The following ITPR2 variants were observed in gnomAD, a reference collection of about 807,000 sequenced individuals.
ITPR2 encodes inositol 1,4,5-trisphosphate receptor type 2.
In ITPR2, 207 loss-of-function variants were observed where a neutral mutation model predicts 317.1. The ratio of observed to expected loss-of-function variants is 0.65; its 90% CI spans 0.58 to 0.73. The LOEUF (loss-of-function observed/expected upper bound fraction) is 0.73. ITPR2 is among the 30% of genes least tolerant of loss of function. The probability of loss-of-function intolerance (pLI) is 0.00; values close to 1 mark genes in which losing one functional copy is unlikely to be tolerated. For synonymous variants in ITPR2, 1,156 were observed against 1,149.1 expected (o/e 1.01, Z -0.12); for missense variants, 2,613 against 3,284.0 (o/e 0.80, Z 4.99).
chr12:26,350,011 C>T (rs1401815713), intron 55 of ITPR2, among the ~76,000 whole-genome samples: 2 of 152,174 alleles, frequency 1.3e-5, no homozygotes, highest in African/African-American at 2.4e-5. Flanking sequence ...TTATAGGCAG[C>T]ACAGCCATGA....
chr12:26,585,402 A>G (rs2137085270), intron 32 of ITPR2, among the ~76,000 whole-genome samples: 1 of 152,280 alleles, frequency 6.6e-6, no homozygotes, highest in South Asian at 2.1e-4. Context: ...ATTTCCTACT[A>G]CATATTATCG....
Position 26,715,847 on chromosome 12 carries a change from G to GA in ITPR2, c.625-13dup. ...TTGACAGCATTCACCTATTAATGAA[G>GA]AAACGTTCAAAGTTATAAGACTACA... On this transcript the variant is annotated splice_polypyrimidine_tract_variant and intron_variant, in intron 6 of 56. Coordinates refer to ENST00000381340, the MANE Select transcript of ITPR2 (RefSeq NM_002223.4). 1 of 1,563,360 alleles carries GA rather than the reference G, an allele frequency of 6.4e-7. No individual in the cohort carries two copies. The highest frequency in any genetic ancestry group is 8.8e-7 in the Non-Finnish European group (1 of 1,135,316).
In ITPR2 at chr12:26,660,294, G is replaced by A. The variant is rs1052368205; in HGVS notation, c.1714-1009C>T. ...AAAAGTAAGAGAAAGCCACTGGGGAGGTTCAATCATGTTATTGTTTGATCT... is the reference window on the plus strand; with the variant it reads ...AAAAGTAAGAGAAAGCCACTGGGGAAGTTCAATCATGTTATTGTTTGATCT... On this transcript the variant is annotated intron_variant, in intron 15 of 56. Coordinates refer to ENST00000381340, the MANE Select transcript of ITPR2 (RefSeq NM_002223.4). Among the ~76,000 whole-genome samples the A allele has an allele frequency of 2.6e-5, 4 of 152,156 alleles. No homozygotes were observed. In the South Asian group the frequency reaches 6.2e-4, roughly 24 times the overall value.
chr12:26,397,036 G>A (rs949911812), intron 54 of ITPR2, among the ~76,000 whole-genome samples: 2 of 151,702 alleles, frequency 1.3e-5, no homozygotes, highest in Non-Finnish European at 2.9e-5. Flanking sequence ...TGATGACTCT[G>A]CTTCTGGTAC....
rs115990415 is a variant in ITPR2 at position 26,355,604 on chromosome 12, C to T, written c.7858-15276G>A. On this transcript the variant is annotated intron_variant, in intron 55 of 56. Coordinates refer to ENST00000381340, the MANE Select transcript of ITPR2 (RefSeq NM_002223.4). ...ACATATTTCTTTTGTGAGAGTGGTC[C>T]GTACTGGCCACTCCCATTTCATTAT... 3.7e-3 allele frequency among the ~76,000 whole-genome samples: 567 copies of T among 152,232 alleles called. 3 individuals are homozygous for T. Among genetic ancestry groups the T allele is most frequent in the African/African-American group, 0.013 (529 of 41,538 alleles).
chr12:26,516,379 A>G (rs990036805), intron 37 of ITPR2, among the ~76,000 whole-genome samples: 1 of 151,524 alleles, frequency 6.6e-6, no homozygotes, highest in African/African-American at 2.4e-5. Context: ...AAGCTGAGGA[A>G]CTACTGTTAT....
At chr12:26,438,394 T>C (rs575105482) in intron 47 of ITPR2, among the ~76,000 whole-genome samples, 10 of 152,198 alleles carry the variant, frequency 6.6e-5, no homozygotes, top group Non-Finnish European at 1.2e-4. Flanking sequence ...GAACATATCC[T>C]GTTTGTCTAG....
intron 37 of ITPR2, among the ~76,000 whole-genome samples, chr12:26,526,517 C>A (rs1017310437): frequency 6.6e-6 from 1 of 151,976 alleles, no homozygotes; most frequent in Non-Finnish European, 1.5e-5. Context: ...CAGGGTCCTA[C>A]TAATTTTGGT....
chr12:26,428,022 AAC>A lies in ITPR2; in HGVS notation c.6834_6835del (p.Phe2280LeufsTer35). On this transcript the variant is annotated frameshift_variant, in exon 49 of 57. Coordinates refer to ENST00000381340, the MANE Select transcript of ITPR2 (RefSeq NM_002223.4). LOFTEE classifies it high-confidence loss of function. ...AATACCCACAGGCTTGGAGAAGAAA[AAC>A]AGCATAGATGTGCAGATCGCAACTG... 6.2e-7 allele frequency: 1 copy of A among 1,613,302 alleles called. No individual in the cohort carries two copies. The highest frequency in any genetic ancestry group is 1.1e-5 in the South Asian group (1 of 90,970).
At chr12:26,600,438 T>A (rs989434570) in intron 28 of ITPR2, among the ~76,000 whole-genome samples, 1 of 152,050 alleles carries the variant, frequency 6.6e-6, no homozygotes, top group Non-Finnish European at 1.5e-5. Flanking sequence ...TAGCCACCTT[T>A]TCCTCCTCTG....
rs145949184 is a variant in ITPR2, at chr12:26,667,851, A to T, written c.1410-1800T>A. On this transcript the variant is annotated intron_variant, in intron 13 of 56. Transcript: ENST00000381340. ...GATCGCTCTGTTTCAAAGTCATTCA[A>T]ATGCCCTGAAAATTGGTGACGGTTA... Among the ~76,000 whole-genome samples the T allele has an allele frequency of 3.0e-3, 457 of 152,328 alleles. 2 individuals carry two copies. Among genetic ancestry groups the T allele is most frequent in the African/African-American group, 0.011 (437 of 41,574 alleles).
intron 14 of ITPR2, among the ~76,000 whole-genome samples, 158 bp downstream of exon 14, chr12:26,665,752 A>G (rs2035439): frequency 0.85 from 129,039 of 152,210 alleles, 54,729 homozygotes; most frequent in Admixed American, 0.89. Context: ...CGCCTAGATC[A>G]CTACTCCACA....
At chr12:26,660,999 CT>C (rs1052097332) in intron 15 of ITPR2, among the ~76,000 whole-genome samples, 1 of 151,358 alleles carries the variant, frequency 6.6e-6, no homozygotes, top group African/African-American at 2.4e-5. Context: ...TTTAAATGTT[CT>C]AAAAAATCAG....
chr12:26,775,239 T>C (rs577890288), intron 2 of ITPR2, among the ~76,000 whole-genome samples: 4 of 152,146 alleles, frequency 2.6e-5, no homozygotes, highest in Non-Finnish European at 5.9e-5. Context: ...ATACCTTTTA[T>C]TAACTTTACA....
At chr12:26,482,916 G>GAAAT (rs1347179008) in intron 42 of ITPR2, among the ~76,000 whole-genome samples, 5 of 152,150 alleles carry the variant, frequency 3.3e-5, no homozygotes, top group African/African-American at 1.2e-4. Flanking sequence ...TTTATATCCA[G>GAAAT]AAATGTTTAT....
rs903640167 is a variant in ITPR2 at position 26,401,772 on chromosome 12, C to A, written c.7400-1514G>T. Among the ~76,000 whole-genome samples the A allele has an allele frequency of 2.6e-5, 4 of 152,224 alleles. No individual in the cohort carries two copies. In the South Asian group the frequency reaches 8.3e-4, roughly 31 times the overall value. Reference sequence around the variant, plus strand: ...CCTTTGATACTTCGTTAAGAAAAGGCTAATTTTCCTCTTCTGAGCCGACTT... The same window carrying A: ...CCTTTGATACTTCGTTAAGAAAAGGATAATTTTCCTCTTCTGAGCCGACTT... On this transcript the variant is annotated intron_variant, in intron 52 of 56. Transcript: ENST00000381340.
At chr12:26,540,622 T>C (rs2136981171) in intron 37 of ITPR2, among the ~76,000 whole-genome samples, 1 of 152,314 alleles carries the variant, frequency 6.6e-6, no homozygotes, top group Middle Eastern at 3.4e-3. Flanking sequence ...TAAAGAGTGG[T>C]AGCATATCTC....
At chr12:26,767,882 A>G (rs1949751891) in intron 2 of ITPR2, among the ~76,000 whole-genome samples, 1 of 152,186 alleles carries the variant, frequency 6.6e-6, no homozygotes, top group Non-Finnish European at 1.5e-5. Flanking sequence ...ATACTTATCA[A>G]TTCGATCATT....
chr12:26,591,131 A>G (rs932828331), intron 32 of ITPR2, among the ~76,000 whole-genome samples: 3 of 151,888 alleles, frequency 2.0e-5, no homozygotes, highest in African/African-American at 7.3e-5. Flanking sequence ...GAAACAATCA[A>G]CAAAGTAAAG....
Sources: gnomAD v4.1 joint callset for allele counts (sites outside exome capture counted in the v4.1 genomes callset) on GRCh38, gnomAD v4.1.1 for gene constraint, MANE v1.5 for transcripts, NCBI Gene and HGNC (gene_info 2026-07-23, HGNC 2026-07-21) for gene names.